The following FGF13 variants were observed in gnomAD, a reference collection of about 807,000 sequenced individuals.
FGF13 encodes fibroblast growth factor homologous factor 2.
Under a neutral mutation model 19.5 loss-of-function variants are expected in FGF13, and 2 were observed. That is an observed-to-expected ratio of 0.10 (90% CI 0.04 to 0.32). The LOEUF (loss-of-function observed/expected upper bound fraction) is 0.32, where lower values mean the gene tolerates loss of function less well. Ranked by LOEUF, FGF13 falls within the 10% of genes least tolerant of loss-of-function variation. The pLI, the probability that FGF13 is intolerant of heterozygous loss-of-function variation, is 1.00. For missense variants in FGF13, 113 were observed against 192.7 expected, an observed-to-expected ratio of 0.59 and a Z score of 2.45; for synonymous variants, 72 against 76.9, an observed-to-expected ratio of 0.94 and a Z score of 0.33.
intron 1 of FGF13, among the ~76,000 whole-genome samples, chrX:138,998,113 A>T (rs1393885772): frequency 3.6e-5 from 4 of 111,507 alleles, no homozygotes; most frequent in African/African-American, 1.3e-4. Flanking sequence ...AAATAAAATC[A>T]TTTACAGACA....
At chrX:138,984,523 G>GAACAAGAAGAAGAAGAAGAAGAAGAA (rs2091979498) in intron 1 of FGF13, among the ~76,000 whole-genome samples, 2 of 31,578 alleles carry the variant, frequency 6.3e-5, no homozygotes, top group African/African-American at 1.2e-4. Flanking sequence ...AAGAAGAAGA[G>GAACAAGAAGAAGAAGAAGAAGAAGAA]GAAGAAGAAG....
At chrX:139,064,271 CT>C (rs1296694024) in intron 1 of FGF13, among the ~76,000 whole-genome samples, 13 of 32,113 alleles carry the variant, frequency 4.0e-4, no homozygotes, top group African/African-American at 5.7e-4. Context: ...GAGCAGAGTT[CT>C]TTTTTTTTCT....
intron 1 of FGF13, among the ~76,000 whole-genome samples, chrX:139,047,130 T>C (rs908542143): frequency 1.8e-5 from 2 of 112,206 alleles, no homozygotes; most frequent in Non-Finnish European, 3.8e-5. Context: ...ATAGACTGAA[T>C]TCCCTGGCTA....
At chrX:138,829,282 G>A (rs1269774229) in intron 3 of FGF13, among the ~76,000 whole-genome samples, 1 of 111,599 alleles carries the variant, frequency 9.0e-6, no homozygotes, top group African/African-American at 3.3e-5. Flanking sequence ...CCTAGTAGAA[G>A]GTATTTGGGG....
chrX:138,670,536 A>G (rs902339749), intron 3 of FGF13, among the ~76,000 whole-genome samples: 2 of 112,013 alleles, frequency 1.8e-5, no homozygotes, highest in Non-Finnish European at 3.8e-5. Flanking sequence ...TTGACATAGA[A>G]ATACATGCAC....
chrX:139,079,659 T>C (rs1382846601), intron 1 of FGF13, among the ~76,000 whole-genome samples: 1 of 110,909 alleles, frequency 9.0e-6, no homozygotes, highest in East Asian at 2.8e-4. Flanking sequence ...ATTGGGACAG[T>C]TCTACTGAAG....
At chrX:139,201,363 T>C (rs767776242) in intron 1 of FGF13, among the ~76,000 whole-genome samples, 2 of 112,235 alleles carry the variant, frequency 1.8e-5, no homozygotes, top group South Asian at 7.5e-4. Context: ...ATAATTGATG[T>C]AGTTATGATA....
intron 1 of FGF13, among the ~76,000 whole-genome samples, chrX:138,725,754 T>C (rs758313447): frequency 1.4e-4 from 16 of 111,259 alleles, no homozygotes; most frequent in East Asian, 1.4e-3. Context: ...TATTTACTTA[T>C]AGGTACTCAG....
intron 1 of FGF13, among the ~76,000 whole-genome samples, chrX:138,874,112 C>G (rs2091374048): frequency 9.6e-6 from 1 of 104,166 alleles, no homozygotes; most frequent in Admixed American, 1.1e-4. Context: ...ATGTAACAAA[C>G]CTGCACGTCG....
chrX:139,072,213 A>C (rs1396536606), intron 1 of FGF13, among the ~76,000 whole-genome samples: 1 of 107,177 alleles, frequency 9.3e-6, no homozygotes, highest in Non-Finnish European at 1.9e-5. Context: ...ATCCAATAGC[A>C]CTGGTGTCCT....
At chrX:139,078,709 C>T (rs1196271552) in intron 1 of FGF13, among the ~76,000 whole-genome samples, 1 of 112,559 alleles carries the variant, frequency 8.9e-6, no homozygotes, top group African/African-American at 3.2e-5. Context: ...TTCAAACGTT[C>T]TCTCATAATG....
At chrX:139,173,925 G>A (rs1431333400) in intron 1 of FGF13, among the ~76,000 whole-genome samples, 4 of 112,004 alleles carry the variant, frequency 3.6e-5, no homozygotes, top group Admixed American at 9.4e-5. Context: ...CCAGCAATGG[G>A]ATTGGTGGGT....
At chrX:138,837,247 C>T (rs996392228) in intron 3 of FGF13, among the ~76,000 whole-genome samples, 5 of 111,998 alleles carry the variant, frequency 4.5e-5, no homozygotes, top group East Asian at 2.8e-4. Flanking sequence ...ACCATGGACA[C>T]GCTGAAGCCT....
chrX:138,880,928 T>G (rs1274530837), intron 1 of FGF13, among the ~76,000 whole-genome samples: 24 of 111,699 alleles, frequency 2.1e-4, no homozygotes, highest in Non-Finnish European at 1.3e-4. Flanking sequence ...AATTCCATAT[T>G]GTTTTGAGGA....
chrX:138,642,907 A>T (rs754243345), intron 3 of FGF13, among the ~76,000 whole-genome samples: 5 of 112,401 alleles, frequency 4.4e-5, no homozygotes, highest in Non-Finnish European at 9.4e-5. Context: ...ATTAGCAACG[A>T]TTTCTAAAGA....
intron 1 of FGF13, among the ~76,000 whole-genome samples, chrX:139,177,238 C>CTTTTTTTTTTTTTTTTTT (rs35867493): frequency 4.0e-5 from 2 of 49,919 alleles, no homozygotes; most frequent in African/African-American, 1.1e-4. Context: ...GCAACCCCTG[C>CTTTTTTTTTTTTTTTTTT]TTTTTTTTTT....
intron 3 of FGF13, among the ~76,000 whole-genome samples, chrX:138,663,415 A>G (rs762176667): frequency 2.7e-5 from 3 of 111,428 alleles, no homozygotes; most frequent in Non-Finnish European, 5.7e-5. Context: ...TTGATTATTT[A>G]TATACACAGA....
chrX:139,204,071 C>G (rs1298238343), upstream of FGF13: 4 of 1,211,055 alleles, frequency 3.3e-6, no homozygotes, highest in Admixed American at 2.2e-5. Context: ...TTAGAAGCAT[C>G]TTTCTCCTCT....
chrX:139,145,194 T>C (rs5976283), intron 1 of FGF13, among the ~76,000 whole-genome samples: 6,910 of 111,204 alleles, frequency 0.062, 421 homozygotes, highest in African/African-American at 0.18. Flanking sequence ...TACACAGATA[T>C]GTAATTAGAA....
Sources: gnomAD v4.1 joint callset for allele counts (sites outside exome capture counted in the v4.1 genomes callset) on GRCh38, gnomAD v4.1.1 for gene constraint, MANE v1.5 for transcripts, NCBI Gene and HGNC (gene_info 2026-07-23, HGNC 2026-07-21) for gene names.